The following GRHPR variants were observed in gnomAD, a reference collection of about 807,000 sequenced individuals.
The protein encoded by GRHPR is glyoxylate reductase/hydroxypyruvate reductase.
A neutral mutation model predicts 36.8 loss-of-function variants in GRHPR; 35 were observed. That is an observed-to-expected ratio of 0.95 (90% CI 0.73 to 1.26). GRHPR has a LOEUF of 1.26. GRHPR is among the 50% of genes most tolerant of loss of function. The pLI is 0.00. For missense variants in GRHPR, 380 were observed against 435.0 expected (o/e 0.87, Z 1.12); for synonymous variants, 179 against 181.0 (o/e 0.99, Z 0.09).
chr9:37,431,673 CAGT>C, intron 7 of GRHPR: 1 of 336,034 alleles, frequency 3.0e-6, no homozygotes, highest in Non-Finnish European at 5.8e-6. Context: ...CCTGTTCATG[CAGT>C]AGAGCATGTA....
chr9:37,429,955 C>T (rs1404664440), intron 6 of GRHPR, 119 bp downstream of exon 6: 2 of 717,620 alleles, frequency 2.8e-6, no homozygotes, highest in Non-Finnish European at 5.0e-6. Flanking sequence ...CCAGGGGCTG[C>T]TGTCTGGTAG....
chr9:37,424,827 G>T lies in GRHPR; in HGVS notation c.84-18G>T. On this transcript the variant is annotated intron_variant, in intron 1 of 8. Transcript: ENST00000318158. ...TGTGCGGCTCCTGCTTCTCCTGAGG[G>T]CCTCCCTTTCCCCGCAGCTGTGAGG... 1 of 1,611,834 alleles carries T rather than the reference G, an allele frequency of 6.2e-7. No individual in the cohort carries two copies. Among genetic ancestry groups the T allele is most frequent in the Non-Finnish European group, 8.5e-7 (1 of 1,179,530 alleles).
chr9:37,438,326 G>A (rs1006171657), downstream of GRHPR: 5 of 152,558 alleles, frequency 3.3e-5, no homozygotes, highest in Non-Finnish European at 5.9e-5. Context: ...CAGATCATAG[G>A]AACCCTGGGA....
chr9:37,437,946 C>A (rs138038806), downstream of GRHPR, among the ~76,000 whole-genome samples: 564 of 152,130 alleles, frequency 3.7e-3, 3 homozygotes, highest in African/African-American at 0.013. Flanking sequence ...ACAGAAAAGG[C>A]GGGGGAAGGC....
intron 7 of GRHPR, chr9:37,430,918 G>A: frequency 3.5e-6 from 2 of 578,002 alleles, no homozygotes; most frequent in Non-Finnish European, 3.4e-6. Context: ...TTCAGGGAGT[G>A]TTCCCAGGGA....
chr9:37,430,374 G>A (rs1281396086), intron 6 of GRHPR, 137 bp from the exon 7 acceptor site: 1 of 774,964 alleles, frequency 1.3e-6, no homozygotes, highest in African/African-American at 1.7e-5. Context: ...CATGAGAGTT[G>A]TCCAGGTAGA....
downstream of GRHPR, chr9:37,438,903 C>T (rs1823792725): frequency 1.3e-5 from 2 of 152,202 alleles, no homozygotes; most frequent in African/African-American, 4.8e-5. Context: ...TGGGAGATGC[C>T]AAGCGCCCCT....
intron 7 of GRHPR, 195 bp downstream of exon 7, chr9:37,430,841 G>A (rs1434212995): frequency 2.9e-6 from 2 of 686,996 alleles, no homozygotes; most frequent in Admixed American, 4.1e-5. Flanking sequence ...CCGTCAGAGT[G>A]GGCCTGGCCT....
At chr9:37,437,881 G>C (rs1485469047), downstream of GRHPR, among the ~76,000 whole-genome samples, 1 of 152,162 alleles carries the variant, frequency 6.6e-6, no homozygotes, top group African/African-American at 2.4e-5. Context: ...CAGGCCCTCA[G>C]AGAGCAACTG....
chr9:37,425,567 C>T (rs1276131932), intron 2 of GRHPR, among the ~76,000 whole-genome samples: 1 of 152,228 alleles, frequency 6.6e-6, no homozygotes, highest in African/African-American at 2.4e-5. Flanking sequence ...AGGGTCACGT[C>T]CCAGCCACCT....
chr9:37,436,694 G>A lies in GRHPR; in HGVS notation c.899G>A (p.Arg300Lys), dbSNP rs1282018307. 1 of 1,614,036 alleles carries A rather than the reference G, an allele frequency of 6.2e-7. No individual in the cohort carries two copies. The highest frequency in any genetic ancestry group is 1.7e-5 in the Admixed American group (1 of 60,014). ...CCCCACATTGGCAGTGCCACCCACA[G>A]AACCCGCAACACCATGTCCTTGTTG... ...ILPHIGSATHRTRNTMSLLAA... is the reference protein window; with the variant it reads ...ILPHIGSATHKTRNTMSLLAA... The change falls in exon 9 of 9, where the codon AGA (arginine) becomes AAA (lysine). Residue 300 changes from arginine to lysine, a missense_variant. Coordinates refer to ENST00000318158, the MANE Select transcript of GRHPR (RefSeq NM_012203.2).
intron 1 of GRHPR, among the ~76,000 whole-genome samples, chr9:37,423,410 C>T (rs1048623563): frequency 6.6e-6 from 1 of 151,680 alleles, no homozygotes. Flanking sequence ...TGGGCTCAAG[C>T]AATCCTCTTG....
intron 8 of GRHPR, among the ~76,000 whole-genome samples, chr9:37,435,181 G>A (rs1823581155): frequency 6.6e-6 from 1 of 152,170 alleles, no homozygotes; most frequent in Admixed American, 6.5e-5. Context: ...AGCCTAGGAG[G>A]TTGAGGCTGT....
chr9:37,425,304 G>A (rs1482362705), intron 2 of GRHPR, among the ~76,000 whole-genome samples: 1 of 152,258 alleles, frequency 6.6e-6, no homozygotes, highest in Non-Finnish European at 1.5e-5. Context: ...TTCTGGGCGT[G>A]TGCGTAGTAT....
In GRHPR at chr9:37,424,846, T is replaced by C. The variant is rs749935481; in HGVS notation, c.85T>C (p.Cys29Arg). The change falls in exon 2 of 9, where the codon TGT becomes CGT. Residue 29 changes from cysteine to arginine, a missense_variant and splice_region_variant. Physicochemically the swap from Cys to Arg is radical, Grantham distance 180. Transcript: ENST00000318158. ...GRVALARAAD[C>R]EVEQWDSDEP... ...CTGAGGGCCTCCCTTTCCCCGCAGC[T>C]GTGAGGTGGAGCAGTGGGACTCGGA... 1.1e-5 allele frequency: 17 copies of C among 1,613,184 alleles called. No homozygotes were observed. The highest frequency in any genetic ancestry group is 1.7e-4 in the Middle Eastern group (1 of 5,960).
intron 5 of GRHPR, chr9:37,429,141 T>A (rs1348357578): frequency 1.2e-5 from 3 of 258,550 alleles, no homozygotes; most frequent in Non-Finnish European, 2.3e-5. Flanking sequence ...GGGTGGAGAG[T>A]GTGGAGAACC....
chr9:37,430,914 G>A (rs573547033), intron 7 of GRHPR: 1 of 584,290 alleles, frequency 1.7e-6, no homozygotes, highest in Non-Finnish European at 3.3e-6. Flanking sequence ...TGGCTTCAGG[G>A]AGTGTTCCCA....
intron 1 of GRHPR, 52 bp from the exon 2 acceptor site, chr9:37,424,793 G>T (rs370683440): frequency 3.8e-6 from 6 of 1,589,624 alleles, no homozygotes; most frequent in African/African-American, 1.3e-5. Flanking sequence ...TGGGAGGGGC[G>T]GGGACAGGTG....
chr9:37,431,070 C>A (rs548153033), intron 7 of GRHPR: 1 of 471,336 alleles, frequency 2.1e-6, no homozygotes, highest in African/African-American at 2.0e-5. Flanking sequence ...TGCTCCTGGG[C>A]GGACAGACCC....
Sources: allele counts gnomAD v4.1 joint callset (sites outside exome capture counted in the v4.1 genomes callset), GRCh38; gene constraint gnomAD v4.1.1; transcripts MANE v1.5; gene names NCBI Gene and HGNC (gene_info 2026-07-23, HGNC 2026-07-21).